Variants in LIMD1 observed in about 807,000 individuals in gnomAD.
LIMD1 encodes LIM domain containing 1, also known as LIM domain-containing protein 1.
A neutral mutation model predicts 58.4 loss-of-function variants in LIMD1; 23 were observed. The ratio of observed to expected loss-of-function variants is 0.39; its 90% confidence interval spans 0.28 to 0.56. LIMD1 has a LOEUF of 0.56. Ranked by LOEUF, LIMD1 falls within the 20% of genes least tolerant of loss-of-function variation. The probability of loss-of-function intolerance (pLI) is 0.57; values close to 1 mark genes in which losing one functional copy is unlikely to be tolerated. For synonymous variants in LIMD1, 334 were observed against 345.5 expected, an observed-to-expected ratio of 0.97 and a Z score of 0.37; for missense variants, 838 against 855.5, an observed-to-expected ratio of 0.98 and a Z score of 0.25.
chr3:45,664,317 G>A (rs927154382), intron 2 of LIMD1, among the ~76,000 whole-genome samples: 4 of 152,272 alleles, frequency 2.6e-5, no homozygotes, highest in Admixed American at 2.0e-4. Flanking sequence ...GATACTAATA[G>A]CATTTTATAT....
intron 2 of LIMD1, among the ~76,000 whole-genome samples, chr3:45,640,159 CA>C (rs1179382859): frequency 6.6e-6 from 1 of 152,258 alleles, no homozygotes; most frequent in Non-Finnish European, 1.5e-5. Context: ...ATTGGTCTAG[CA>C]TTGAAGGCCT....
chr3:45,596,312 C>G, intron 1 of LIMD1, 25 bp downstream of exon 1: 1 of 1,552,520 alleles, frequency 6.4e-7, no homozygotes. Context: ...GGTGGAGTTG[C>G]CTATGGTGGG....
chr3:45,672,666 ACT>A, intron 4 of LIMD1, 22 bp from the exon 5 acceptor site: 3 of 1,612,194 alleles, frequency 1.9e-6, no homozygotes, highest in Non-Finnish European at 2.5e-6. Flanking sequence ...TATAATCCCC[ACT>A]GAGTCTTGGT....
At chr3:45,661,670 G>T (rs1199381127) in intron 2 of LIMD1, among the ~76,000 whole-genome samples, 1 of 152,212 alleles carries the variant, frequency 6.6e-6, no homozygotes, top group Non-Finnish European at 1.5e-5. Flanking sequence ...GTGTGAACAA[G>T]TATCTGTTTG....
chr3:45,660,315 G>C (rs1697412955), intron 2 of LIMD1, among the ~76,000 whole-genome samples: 1 of 151,782 alleles, frequency 6.6e-6, no homozygotes, highest in Admixed American at 6.6e-5. Context: ...AAAGTGGGGA[G>C]CTCCACAAGT....
chr3:45,595,384 G>A lies in LIMD1; in HGVS notation c.505G>A (p.Glu169Lys). The stretch of plus-strand genomic sequence containing the variant: ...TGCTTTCCACCAGCCAGGCCCCTGT[G>A]AGGATCCTTCCTGCCTCACTCATGG... The part of the protein sequence containing the change: ...MSAFHQPGPC[E>K]DPSCLTHGDY... The change falls in exon 1 of 8, where the codon GAG (glutamate) becomes AAG (lysine). Residue 169 changes from glutamate (E) to lysine (K), a missense_variant. Glu to Lys is a moderately conservative substitution (Grantham distance 56). Around this residue, in one of 3 missense-constraint regions of LIMD1, gnomAD observed 659 missense variants for 639.8 expected, o/e 1.03. Coordinates refer to ENST00000273317, the MANE Select transcript of LIMD1 (RefSeq NM_014240.3). 1 of 1,613,908 alleles carries A rather than the reference G, an allele frequency of 6.2e-7. No homozygotes were observed. Among genetic ancestry groups the A allele is most frequent in the Non-Finnish European group, 8.5e-7 (1 of 1,180,030 alleles).
intron 1 of LIMD1, among the ~76,000 whole-genome samples, chr3:45,599,308 A>G (rs540712774): frequency 3.5e-5 from 4 of 113,094 alleles, no homozygotes; most frequent in African/African-American, 6.1e-5. Flanking sequence ...CCCCATACCC[A>G]TAAAGCAATT....
chr3:45,669,020 C>T (rs1279185277), intron 4 of LIMD1, among the ~76,000 whole-genome samples: 1 of 152,160 alleles, frequency 6.6e-6, no homozygotes. Flanking sequence ...ATGCAGAAAG[C>T]CAGAGGAGCA....
At chr3:45,599,428 T>C (rs2062131) in intron 1 of LIMD1, among the ~76,000 whole-genome samples, 46,789 of 152,076 alleles carry the variant, frequency 0.31, 7,816 homozygotes, top group South Asian at 0.52. Context: ...AATCGTGTAT[T>C]TTATTCATTT....
intron 3 of LIMD1, 38 bp from the exon 4 acceptor site, chr3:45,668,256 C>G: frequency 6.5e-7 from 1 of 1,546,550 alleles, no homozygotes; most frequent in Non-Finnish European, 8.9e-7. Context: ...TTCATCTTAC[C>G]AGTCTGGGTT....
chr3:45,609,000 A>G (rs1254879074), intron 1 of LIMD1, among the ~76,000 whole-genome samples: 1 of 152,214 alleles, frequency 6.6e-6, no homozygotes, highest in Non-Finnish European at 1.5e-5. Context: ...ATATTACCCA[A>G]TCAGAATAAA....
At chr3:45,602,852 T>A (rs1243340020) in intron 1 of LIMD1, among the ~76,000 whole-genome samples, 3 of 151,234 alleles carry the variant, frequency 2.0e-5, no homozygotes, top group South Asian at 4.2e-4. Flanking sequence ...TTTTTTTTTT[T>A]AAATTGAGAC....
At chr3:45,639,916 G>A (rs1701825431) in intron 2 of LIMD1, among the ~76,000 whole-genome samples, 1 of 152,232 alleles carries the variant, frequency 6.6e-6, no homozygotes, top group Non-Finnish European at 1.5e-5. Context: ...ACCCGCCTCA[G>A]CTTCCCAAAA....
chr3:45,643,884 C>T (rs997643164), intron 2 of LIMD1, among the ~76,000 whole-genome samples: 3 of 152,180 alleles, frequency 2.0e-5, no homozygotes, highest in African/African-American at 7.2e-5. Flanking sequence ...AGTGGTGTAA[C>T]CTACTGTTTG....
Position 45,641,413 on chromosome 3 carries a change from T to C in LIMD1, c.1510+5162T>C, listed in dbSNP as rs551919565. 2.4e-3 allele frequency among the ~76,000 whole-genome samples: 369 copies of C among 152,040 alleles called. 3 individuals carry two copies. The highest frequency in any genetic ancestry group is 4.3e-3 in the Non-Finnish European group (293 of 67,974). ...GTGTATTTCTGAACATACTTGTATA[T>C]GTATCTTTTCTATTTTCCCATTTCA... On this transcript the variant is annotated intron_variant, in intron 2 of 7. Transcript: ENST00000273317.
intron 1 of LIMD1, among the ~76,000 whole-genome samples, chr3:45,620,896 T>C (rs576704506): frequency 1.3e-5 from 2 of 152,182 alleles, no homozygotes; most frequent in Non-Finnish European, 2.9e-5. Context: ...GTGATCAAGT[T>C]AACACCAGCA....
intron 1 of LIMD1, among the ~76,000 whole-genome samples, chr3:45,624,252 A>C (rs1436589099): frequency 6.6e-6 from 1 of 152,016 alleles, no homozygotes; most frequent in Non-Finnish European, 1.5e-5. Context: ...GTTCATAGCT[A>C]TGTGATCTTG....
At position 45,674,326 on chromosome 3, in the gene LIMD1, C is replaced by T; in HGVS notation, c.1825-17C>T. ...AACAGGCCTCTCCTATGTGTTCTTGCTTTTCTCTGGTCCCAGGGCTCAGAT... is the reference window on the plus strand; with the variant it reads ...AACAGGCCTCTCCTATGTGTTCTTGTTTTTCTCTGGTCCCAGGGCTCAGAT... On this transcript the variant is annotated splice_polypyrimidine_tract_variant and intron_variant, in intron 6 of 7. Coordinates refer to ENST00000273317, the MANE Select transcript of LIMD1 (RefSeq NM_014240.3). The T allele has an allele frequency of 1.9e-6, 3 of 1,612,834 alleles. No individual in the cohort carries two copies. Among genetic ancestry groups the T allele is most frequent in the Non-Finnish European group, 2.5e-6 (3 of 1,179,028 alleles).
At position 45,682,625 on chromosome 3, in the gene LIMD1, A is replaced by G. The variant is rs761943485; in HGVS notation, c.*5566A>G. ...TATGTTCTTTATCATCCCTCATTTG[A>G]TAGACAAGACAACTGAGACACAAAA... On this transcript the variant is annotated 3_prime_UTR_variant, in exon 8 of 8. Coordinates refer to ENST00000273317, the MANE Select transcript of LIMD1 (RefSeq NM_014240.3). 8.5e-5 allele frequency: 13 copies of G among 152,268 alleles called. No homozygotes were observed. Among genetic ancestry groups the G allele is most frequent in the Admixed American group, 7.9e-4 (12 of 15,278 alleles). The allele number at this position is 152,268 out of a possible 1,614,324, so 9.4% of individuals were successfully genotyped here.
Sources: gnomAD v4.1 joint callset for allele counts (sites outside exome capture counted in the v4.1 genomes callset) on GRCh38, gnomAD v4.1.1 for gene constraint, gnomAD v4.1.1 regional missense constraint, MANE v1.5 for transcripts, NCBI Gene and HGNC (gene_info 2026-07-23, HGNC 2026-07-21) for gene names.